KCNH8: variants seen among roughly 807,000 people sequenced by gnomAD.
The protein encoded by KCNH8 is voltage-gated delayed rectifier potassium channel KCNH8.
A neutral mutation model predicts 103.6 loss-of-function variants in KCNH8; 70 were observed. The observed-to-expected ratio is 0.68, with a 90% CI of 0.56 to 0.82. The LOEUF is 0.82. Ranked by LOEUF, KCNH8 falls within the 40% of genes least tolerant of loss-of-function variation. KCNH8 has a pLI of 0.00. For missense variants in KCNH8, 1,217 were observed against 1,329.9 expected (o/e 0.92, Z 1.32); for synonymous variants, 498 against 489.4 (o/e 1.02, Z -0.23).
chr3:19,498,074 G>GTT (rs2068483891), intron 11 of KCNH8, among the ~76,000 whole-genome samples: 1 of 152,104 alleles, frequency 6.6e-6, no homozygotes, highest in Non-Finnish European at 1.5e-5. Flanking sequence ...GCCTTTTCCT[G>GTT]TTTTCCATTT....
chr3:19,370,499 A>G (rs1441832343), intron 5 of KCNH8, among the ~76,000 whole-genome samples: 1 of 152,028 alleles, frequency 6.6e-6, no homozygotes, highest in Non-Finnish European at 1.5e-5. Context: ...TAAATGTTTT[A>G]TTTTATATTT....
chr3:19,342,429 A>T lies in KCNH8; in HGVS notation c.443-158A>T, dbSNP rs528798280. 2.6e-5 allele frequency among the ~76,000 whole-genome samples: 4 copies of T among 152,264 alleles called. No individual in the cohort carries two copies. The South Asian group carries it at 8.3e-4, about 32-fold the overall frequency. ...TGATGATAAAAATATATAAATCATA[A>T]AGGACTAAAATTAAATTAAATGTCA... On this transcript the variant is annotated intron_variant, in intron 3 of 15. Transcript: ENST00000328405.
chr3:19,415,213 A>G (rs1401663089), intron 7 of KCNH8, among the ~76,000 whole-genome samples: 2 of 151,986 alleles, frequency 1.3e-5, no homozygotes, highest in African/African-American at 4.8e-5. Context: ...GCAGTGTTCT[A>G]GGTACCTACA....
chr3:19,531,113 G>A (rs1280290874), intron 15 of KCNH8, among the ~76,000 whole-genome samples: 1 of 152,166 alleles, frequency 6.6e-6, no homozygotes, highest in Admixed American at 6.5e-5. Context: ...CTCAATAAAA[G>A]GTCAATTCAA....
At chr3:19,288,596 T>G (rs2064871065) in intron 3 of KCNH8, among the ~76,000 whole-genome samples, 1 of 152,318 alleles carries the variant, frequency 6.6e-6, no homozygotes, top group African/African-American at 2.4e-5. Context: ...TTCCATGGTG[T>G]ATATGTGCCA....
chr3:19,260,067 A>T (rs1055129728), intron 2 of KCNH8, among the ~76,000 whole-genome samples: 1 of 151,696 alleles, frequency 6.6e-6, no homozygotes, highest in African/African-American at 2.4e-5. Flanking sequence ...GAGAGAGCAA[A>T]GGAAACAAAT....
In KCNH8 at chr3:19,148,688, T is replaced by A. The variant is rs745905160; in HGVS notation, c.-32T>A. 1.4e-5 allele frequency: 23 copies of A among 1,608,358 alleles called. 1 individual carries two copies. Among genetic ancestry groups the A allele is most frequent in the Admixed American group, 1.7e-5 (1 of 59,992 alleles). On this transcript the variant is annotated 5_prime_UTR_variant, in exon 1 of 16. Transcript: ENST00000328405. ...TTTCGAACCATCCTTCTGGACAAAC[T>A]TTGATGGAGAATTTCACACCACGCT...
At chr3:19,214,758 C>A (rs1219620232) in intron 1 of KCNH8, among the ~76,000 whole-genome samples, 2 of 152,184 alleles carry the variant, frequency 1.3e-5, no homozygotes, top group South Asian at 2.1e-4. Context: ...GGACACAGTG[C>A]TAGAAGATAG....
intron 3 of KCNH8, among the ~76,000 whole-genome samples, chr3:19,291,999 C>T (rs2064935019): frequency 6.6e-6 from 1 of 152,152 alleles, no homozygotes; most frequent in African/African-American, 2.4e-5. Context: ...TTAAAAGTTC[C>T]TTTCCTCTGC....
chr3:19,165,478 A>AT (rs1162204659), intron 1 of KCNH8, among the ~76,000 whole-genome samples: 4 of 152,076 alleles, frequency 2.6e-5, no homozygotes, highest in Non-Finnish European at 4.4e-5. Context: ...GTTAGTGTTG[A>AT]TTTTTTTTGG....
intron 1 of KCNH8, among the ~76,000 whole-genome samples, chr3:19,216,396 G>A (rs2063818624): frequency 1.3e-5 from 2 of 152,180 alleles, no homozygotes; most frequent in East Asian, 1.9e-4. Flanking sequence ...TTCAAGTGGT[G>A]CCACATTTAT....
chr3:19,350,508 G>A (rs1464161820), intron 5 of KCNH8, among the ~76,000 whole-genome samples: 5 of 152,056 alleles, frequency 3.3e-5, no homozygotes, highest in African/African-American at 1.2e-4. Flanking sequence ...CATGCAGCTG[G>A]GTGCCCCTCT....
intron 3 of KCNH8, among the ~76,000 whole-genome samples, chr3:19,314,311 C>T (rs758303220): frequency 1.3e-5 from 2 of 151,838 alleles, no homozygotes. Flanking sequence ...AGAAGCCCAG[C>T]ACTGTAATCT....
chr3:19,523,586 G>A (rs756038260), intron 15 of KCNH8, among the ~76,000 whole-genome samples: 2 of 151,934 alleles, frequency 1.3e-5, no homozygotes, highest in African/African-American at 4.8e-5. Flanking sequence ...CTGCTTGGCT[G>A]TTTTCCATTT....
intron 1 of KCNH8, among the ~76,000 whole-genome samples, chr3:19,193,874 TAA>T (rs1330952599): frequency 6.6e-6 from 1 of 151,718 alleles, no homozygotes; most frequent in Admixed American, 6.6e-5. Flanking sequence ...TGTGCAAAAA[TAA>T]AAGAGACAGT....
chr3:19,313,633 G>A (rs1282012384), intron 3 of KCNH8, among the ~76,000 whole-genome samples: 5 of 148,666 alleles, frequency 3.4e-5, no homozygotes, highest in Non-Finnish European at 1.5e-5. Flanking sequence ...AAACACTCTT[G>A]TTCTAGCCTA....
At chr3:19,375,685 G>C (rs1455243642) in intron 5 of KCNH8, among the ~76,000 whole-genome samples, 15 of 152,162 alleles carry the variant, frequency 9.9e-5, no homozygotes, top group Admixed American at 4.6e-4. Context: ...AGGCACTCTG[G>C]TTTTTAGAGT....
At chr3:19,234,138 C>A (rs982864731) in intron 1 of KCNH8, among the ~76,000 whole-genome samples, 1 of 152,180 alleles carries the variant, frequency 6.6e-6, no homozygotes, top group Non-Finnish European at 1.5e-5. Context: ...TTTGACAGGG[C>A]GCTGTTTGGT....
intron 1 of KCNH8, among the ~76,000 whole-genome samples, chr3:19,154,898 T>C (rs2063166348): frequency 1.3e-5 from 2 of 152,382 alleles, no homozygotes; most frequent in South Asian, 4.1e-4. Flanking sequence ...ATATATTTGC[T>C]GATCTCATCT....
Sources: allele counts gnomAD v4.1 joint callset (sites outside exome capture counted in the v4.1 genomes callset), GRCh38; gene constraint gnomAD v4.1.1; transcripts MANE v1.5; gene names NCBI Gene and HGNC (gene_info 2026-07-23, HGNC 2026-07-21).